Variants in KCTD16 observed in about 807,000 individuals in gnomAD.
KCTD16 encodes the protein BTB/POZ domain-containing protein KCTD16.
A neutral mutation model predicts 33.2 loss-of-function variants in KCTD16; 13 were observed. The observed-to-expected ratio is 0.39, with a 90% CI of 0.25 to 0.62. The LOEUF is 0.62. Among genes scored for constraint, KCTD16 ranks in the 20% least tolerant of loss-of-function variants. KCTD16 has a pLI of 0.50. For synonymous variants in KCTD16, 197 were observed against 195.3 expected (o/e 1.01, Z -0.07); for missense variants, 441 against 525.1 (o/e 0.84, Z 1.57).
At chr5:144,386,341 T>C (rs1182587777) in intron 3 of KCTD16, among the ~76,000 whole-genome samples, 2 of 152,106 alleles carry the variant, frequency 1.3e-5, no homozygotes, top group African/African-American at 2.4e-5. Flanking sequence ...TTCATAAAGT[T>C]AGTAGCAAGA....
chr5:144,355,174 A>G (rs1199473919), intron 3 of KCTD16, among the ~76,000 whole-genome samples: 3 of 152,146 alleles, frequency 2.0e-5, no homozygotes, highest in Non-Finnish European at 4.4e-5. Context: ...CCCTCCAGTC[A>G]TTATACAGAT....
intron 2 of KCTD16, among the ~76,000 whole-genome samples, chr5:144,183,071 G>A (rs1431398368): frequency 6.6e-6 from 1 of 151,764 alleles, no homozygotes; most frequent in Non-Finnish European, 1.5e-5. Flanking sequence ...AAGAGTGGGA[G>A]TAAGACCAAA....
intron 3 of KCTD16, among the ~76,000 whole-genome samples, chr5:144,308,362 T>C (rs1751664399): frequency 6.6e-6 from 1 of 152,180 alleles, no homozygotes; most frequent in Non-Finnish European, 1.5e-5. Flanking sequence ...CTGAGGTAAT[T>C]TGCTGTCCCT....
At chr5:144,354,153 C>G (rs187563808) in intron 3 of KCTD16, among the ~76,000 whole-genome samples, 95 of 152,086 alleles carry the variant, frequency 6.2e-4, no homozygotes, top group African/African-American at 2.2e-3. Context: ...AAACATGATT[C>G]TACAACTCTA....
chr5:144,457,127 T>C (rs1424293852), intron 3 of KCTD16, among the ~76,000 whole-genome samples: 1 of 152,256 alleles, frequency 6.6e-6, no homozygotes, highest in Non-Finnish European at 1.5e-5. Flanking sequence ...TTATCAAATC[T>C]GTGATCAGGT....
intron 3 of KCTD16, among the ~76,000 whole-genome samples, chr5:144,237,707 A>T (rs1385314848): frequency 6.6e-6 from 1 of 152,138 alleles, no homozygotes; most frequent in Non-Finnish European, 1.5e-5. Flanking sequence ...TTAGTCTTGA[A>T]GAAAATGGCT....
chr5:144,482,626 A>C lies in KCTD16; in HGVS notation c.*8512A>C, dbSNP rs1478043173. The C allele has an allele frequency of 6.6e-6, 1 of 151,804 alleles. No homozygotes were observed. Among genetic ancestry groups the C allele is most frequent in the Non-Finnish European group, 1.5e-5 (1 of 67,866 alleles). The allele number at this position is 151,804 out of a possible 1,614,324, so 9.4% of individuals were successfully genotyped here. ...TCAGCATCTCATTGTTACTGTTATA[A>C]GTTGGGAAAAAGAGAGGCAGCTTTA... is the stretch of plus-strand genomic sequence containing the variant. On this transcript the variant is annotated 3_prime_UTR_variant, in exon 4 of 4. Transcript: ENST00000512467.
intron 3 of KCTD16, among the ~76,000 whole-genome samples, chr5:144,363,625 G>T (rs780521377): frequency 3.9e-5 from 6 of 152,128 alleles, no homozygotes; most frequent in Non-Finnish European, 8.8e-5. Context: ...AGTCAAACTG[G>T]AAAGGAGGGA....
At chr5:144,345,954 A>ATTTTTT (rs35514283) in intron 3 of KCTD16, among the ~76,000 whole-genome samples, 10 of 140,720 alleles carry the variant, frequency 7.1e-5, no homozygotes, top group African/African-American at 1.8e-4. Context: ...TATTCATTCT[A>ATTTTTT]TTTTTTTTTT....
chr5:144,391,382 G>C (rs1239924323), intron 3 of KCTD16, among the ~76,000 whole-genome samples: 4 of 152,210 alleles, frequency 2.6e-5, no homozygotes, highest in Non-Finnish European at 5.9e-5. Flanking sequence ...TTTGGGCAGA[G>C]ATTCTGAAAT....
intron 3 of KCTD16, among the ~76,000 whole-genome samples, chr5:144,398,733 T>TCTCTCTCTCTCTC (rs1752635840): frequency 1.4e-5 from 2 of 145,284 alleles, no homozygotes; most frequent in Admixed American, 1.3e-4. Flanking sequence ...CTCTCTCTCT[T>TCTCTCTCTCTCTC]ATATAAATGT....
At chr5:144,393,438 G>A (rs912068627) in intron 3 of KCTD16, among the ~76,000 whole-genome samples, 2 of 152,058 alleles carry the variant, frequency 1.3e-5, no homozygotes, top group South Asian at 2.1e-4. Context: ...TTATTAAGAC[G>A]CTGGTCAGGT....
intron 3 of KCTD16, among the ~76,000 whole-genome samples, chr5:144,409,931 T>C (rs897472753): frequency 6.6e-6 from 1 of 152,198 alleles, no homozygotes; most frequent in Admixed American, 6.5e-5. Flanking sequence ...GGGCATCTAA[T>C]GCGAATATGA....
At chr5:144,213,468 A>G (rs1184978680) in intron 3 of KCTD16, among the ~76,000 whole-genome samples, 1 of 149,856 alleles carries the variant, frequency 6.7e-6, no homozygotes, top group East Asian at 2.0e-4. Flanking sequence ...GTTTCATGAA[A>G]TCAAGTTGTC....
At chr5:144,306,070 T>C (rs1203355143) in intron 3 of KCTD16, among the ~76,000 whole-genome samples, 3 of 152,178 alleles carry the variant, frequency 2.0e-5, no homozygotes, top group African/African-American at 7.2e-5. Flanking sequence ...CAACCAGATA[T>C]CCTACAAAAT....
intron 3 of KCTD16, among the ~76,000 whole-genome samples, chr5:144,435,042 T>G (rs776141638): frequency 1.3e-5 from 2 of 152,132 alleles, no homozygotes; most frequent in Non-Finnish European, 2.9e-5. Context: ...CAGAGGCAAA[T>G]GTCAAGAACC....
rs1323434591 is a variant in KCTD16, at chr5:144,478,555, C to T, written c.*4441C>T. The T allele has an allele frequency of 6.6e-6, 1 of 152,000 alleles. No individual in the cohort carries two copies. Among genetic ancestry groups the T allele is most frequent in the Admixed American group, 6.6e-5 (1 of 15,246 alleles). The allele number at this position is 152,000 out of a possible 1,614,324, so 9.4% of individuals were successfully genotyped here. A position where few individuals can be genotyped will look rare whatever the true frequency, so the allele number is the denominator to read the frequency against. ...TGTAGCACTTGTAAAAATGCAGATT[C>T]CTTCAACCTAACTTCAAAGAGTCTG... On this transcript the variant is annotated 3_prime_UTR_variant, in exon 4 of 4. Transcript: ENST00000512467.
At chr5:144,250,138 C>G (rs1754658240) in intron 3 of KCTD16, among the ~76,000 whole-genome samples, 1 of 152,142 alleles carries the variant, frequency 6.6e-6, no homozygotes, top group African/African-American at 2.4e-5. Context: ...TTTAGAAACT[C>G]TGGGGGCTTT....
intron 3 of KCTD16, among the ~76,000 whole-genome samples, chr5:144,334,249 A>G (rs1236587401): frequency 6.6e-6 from 1 of 152,188 alleles, no homozygotes. Context: ...GTGTCTTGGA[A>G]GTTCAAATTC....
Sources: gnomAD v4.1 joint callset for allele counts (sites outside exome capture counted in the v4.1 genomes callset) on GRCh38, gnomAD v4.1.1 for gene constraint, MANE v1.5 for transcripts, NCBI Gene and HGNC (gene_info 2026-07-23, HGNC 2026-07-21) for gene names.